The following NCBP1 variants were observed in gnomAD, a reference collection of about 807,000 sequenced individuals.
NCBP1 encodes the protein nuclear cap-binding protein subunit 1.
In NCBP1, 16 loss-of-function variants were observed where a neutral mutation model predicts 111.7. That is an observed-to-expected ratio of 0.14 (90% confidence interval 0.10 to 0.22). The LOEUF (loss-of-function observed/expected upper bound fraction) is 0.22, where lower values mean the gene tolerates loss of function less well. Among genes scored for constraint, NCBP1 ranks in the 10% least tolerant of loss-of-function variants. The pLI is 1.00. For synonymous variants in NCBP1, 304 were observed against 314.3 expected, an observed-to-expected ratio of 0.97 and a Z score of 0.35; for missense variants, 607 against 957.5, an observed-to-expected ratio of 0.63 and a Z score of 4.83.
intron 15 of NCBP1, among the ~76,000 whole-genome samples, chr9:97,659,793 T>G (rs78149444): frequency 0.035 from 5,305 of 152,338 alleles, 135 homozygotes; most frequent in Non-Finnish European, 0.052. Flanking sequence ...GATTAAGCTT[T>G]CTTTTTGCCC....
At chr9:97,652,228 T>A (rs1338398108) in intron 10 of NCBP1, among the ~76,000 whole-genome samples, 2 of 152,180 alleles carry the variant, frequency 1.3e-5, no homozygotes, top group Admixed American at 1.3e-4. Context: ...GGTCTTGAAC[T>A]CCTGACCTCG....
intron 14 of NCBP1, among the ~76,000 whole-genome samples, chr9:97,658,434 C>T (rs752387460): frequency 1.3e-5 from 2 of 152,256 alleles, no homozygotes; most frequent in Admixed American, 6.5e-5. Context: ...ACCCGCACCT[C>T]AGTGCAAGCC....
intron 10 of NCBP1, among the ~76,000 whole-genome samples, chr9:97,651,860 G>A (rs1339214834): frequency 6.6e-6 from 1 of 152,082 alleles, no homozygotes; most frequent in African/African-American, 2.4e-5. Context: ...AATCTAAAGA[G>A]CCAAGCAGTT....
chr9:97,671,068 C>A lies in NCBP1; in HGVS notation c.2260-18C>A, dbSNP rs371158193. The A allele has an allele frequency of 7.2e-6, 11 of 1,534,856 alleles. No individual in the cohort carries two copies. The highest frequency in any genetic ancestry group is 8.1e-6 in the Non-Finnish European group (9 of 1,109,300). ...ATGCTTTTTCCTGACCTAACTACCC[C>A]CTTTTGTGTGTCCACAGCATCACCA... On this transcript the variant is annotated intron_variant, in intron 22 of 22. Coordinates refer to ENST00000375147, the MANE Select transcript of NCBP1 (RefSeq NM_002486.5).
At chr9:97,646,689 T>C (rs1827343647) in intron 6 of NCBP1, among the ~76,000 whole-genome samples, 1 of 151,684 alleles carries the variant, frequency 6.6e-6, no homozygotes. Flanking sequence ...ATACAAAAAT[T>C]AGCCGAGCGT....
intron 2 of NCBP1, among the ~76,000 whole-genome samples, chr9:97,641,350 T>C (rs1827199083): frequency 6.6e-6 from 1 of 152,150 alleles, no homozygotes; most frequent in Non-Finnish European, 1.5e-5. Context: ...CTAAACCCAT[T>C]ATAGCTCTGT....
intron 22 of NCBP1, 22 bp downstream of exon 22, chr9:97,669,728 G>C: frequency 6.9e-7 from 1 of 1,439,344 alleles, no homozygotes; most frequent in Non-Finnish European, 9.8e-7. Flanking sequence ...ACTTCGATTA[G>C]GTAATAACAC....
rs1314662236 is a variant in NCBP1, at chr9:97,645,555, T to C, written c.490-56T>C. 2.5e-5 allele frequency: 38 copies of C among 1,518,256 alleles called. No individual in the cohort carries two copies. The Admixed American group carries it at 6.1e-4, about 25-fold the overall frequency. The allele number at this position is 1,518,256 out of a possible 1,614,324, so 94.0% of individuals were successfully genotyped here. On this transcript the variant is annotated intron_variant, in intron 5 of 22. Transcript: ENST00000375147. ...GGATTTCATTCAAGAATAAATAAAATATGAATGAATATAATTAAAGCATAT... is the reference window on the plus strand; with the variant it reads ...GGATTTCATTCAAGAATAAATAAAACATGAATGAATATAATTAAAGCATAT...
chr9:97,666,443 T>C (rs1003512227), intron 19 of NCBP1, among the ~76,000 whole-genome samples: 1 of 152,232 alleles, frequency 6.6e-6, no homozygotes, highest in Non-Finnish European at 1.5e-5. Flanking sequence ...TGTATTTCCA[T>C]TTTTAATGTT....
At chr9:97,643,086 C>A in intron 3 of NCBP1, 118 bp from the exon 4 acceptor site, 1 of 989,208 alleles carries the variant, frequency 1.0e-6, no homozygotes, top group Non-Finnish European at 1.4e-6. Context: ...TTTTTAAAGA[C>A]ATAGCTAAAA....
chr9:97,665,744 G>A (rs949282704), intron 19 of NCBP1, among the ~76,000 whole-genome samples: 2 of 151,954 alleles, frequency 1.3e-5, no homozygotes, highest in African/African-American at 4.8e-5. Flanking sequence ...TAGAGACACC[G>A]ACTTCGCCCC....
chr9:97,641,755 A>G lies in NCBP1; in HGVS notation c.224+93A>G, dbSNP rs932137422. On this transcript the variant is annotated intron_variant, in intron 3 of 22. Coordinates refer to ENST00000375147, the MANE Select transcript of NCBP1 (RefSeq NM_002486.5). ...TGTTCAAAATACATGTTTATGTTCT[A>G]TATGTCCTTGGCTTTACTTCTATGG... 1.2e-5 allele frequency: 15 copies of G among 1,255,874 alleles called. No homozygotes were observed. In the Admixed American group the frequency reaches 1.5e-4, roughly 13 times the overall value. 77.8% of individuals were successfully genotyped at this position (1,255,874 alleles called of 1,614,324 possible).
At chr9:97,641,686 A>C in intron 3 of NCBP1, 24 bp downstream of exon 3, 1 of 1,579,520 alleles carries the variant, frequency 6.3e-7, no homozygotes, top group Non-Finnish European at 8.6e-7. Context: ...AGATTTATGA[A>C]TCCAGGTGAT....
chr9:97,642,382 T>A (rs1007219123), intron 3 of NCBP1, among the ~76,000 whole-genome samples: 2 of 151,752 alleles, frequency 1.3e-5, no homozygotes, highest in African/African-American at 2.4e-5. Flanking sequence ...AACACAGGTA[T>A]TTTTTTTGAA....
chr9:97,636,451 A>G (rs1211455121), intron 1 of NCBP1, among the ~76,000 whole-genome samples: 4 of 147,582 alleles, frequency 2.7e-5, no homozygotes, highest in African/African-American at 9.9e-5. Flanking sequence ...GTATATATAT[A>G]AACTATAATA....
rs77481887 is a variant in NCBP1 at position 97,654,619 on chromosome 9, G to C, written c.1171-261G>C. On this transcript the variant is annotated intron_variant, in intron 11 of 22. Coordinates refer to ENST00000375147, the MANE Select transcript of NCBP1 (RefSeq NM_002486.5). The stretch of plus-strand genomic sequence containing the variant: ...AAGCACAATGAAACAATGTATGCCT[G>C]TGCGTATGGAGGGGCATGGGGAAAT... 3.5e-3 allele frequency among the ~76,000 whole-genome samples: 539 copies of C among 152,046 alleles called. 21 individuals carry two copies. In the East Asian group the frequency reaches 0.09, roughly 25 times the overall value.
chr9:97,669,000 A>G (rs760654999), intron 21 of NCBP1, 26 bp downstream of exon 21: 8 of 1,574,866 alleles, frequency 5.1e-6, no homozygotes, highest in South Asian at 4.7e-5. Context: ...ACATTTATAC[A>G]TAAAAGGAAA....
At chr9:97,640,687 A>G (rs1367412552) in intron 1 of NCBP1, 107 bp from the exon 2 acceptor site, 4 of 849,724 alleles carry the variant, frequency 4.7e-6, no homozygotes, top group Admixed American at 2.8e-5. Flanking sequence ...TCTACTCTGT[A>G]AAAACATAGG....
intron 7 of NCBP1, 44 bp from the exon 8 acceptor site, chr9:97,647,964 A>G: frequency 6.8e-7 from 1 of 1,462,884 alleles, no homozygotes; most frequent in Non-Finnish European, 9.3e-7. Context: ...TTGTCTAGTC[A>G]AAATGTTAAT....
Sources: allele counts gnomAD v4.1 joint callset (sites outside exome capture counted in the v4.1 genomes callset), GRCh38; gene constraint gnomAD v4.1.1; transcripts MANE v1.5; gene names NCBI Gene and HGNC (gene_info 2026-07-23, HGNC 2026-07-21).